GRIK2: variants seen among roughly 807,000 people sequenced by gnomAD.
GRIK2 encodes the protein glutamate ionotropic receptor kainate type subunit 2, also known as glutamate receptor ionotropic, kainate 2.
Under a neutral mutation model 100.3 loss-of-function variants are expected in GRIK2, and 32 were observed. The ratio of observed to expected loss-of-function variants is 0.32; its 90% CI spans 0.24 to 0.43. GRIK2 has a LOEUF of 0.43. Among genes scored for constraint, GRIK2 ranks in the 20% least tolerant of loss-of-function variants. The pLI is 1.00. For synonymous variants in GRIK2, 417 were observed against 389.4 expected (o/e 1.07, Z -0.83); for missense variants, 843 against 1,114.9 (o/e 0.76, Z 3.47).
chr6:101,564,798 A>T (rs1255018607), intron 2 of GRIK2, among the ~76,000 whole-genome samples: 3 of 152,074 alleles, frequency 2.0e-5, no homozygotes, highest in Admixed American at 2.0e-4. Flanking sequence ...GTGCAAAGTA[A>T]CATTTCCCAA....
intron 14 of GRIK2, among the ~76,000 whole-genome samples, chr6:101,982,627 A>C (rs1793780532): frequency 6.6e-6 from 1 of 151,274 alleles, no homozygotes; most frequent in Non-Finnish European, 1.5e-5. Context: ...CTGTTTCCTC[A>C]GAATTAGCTG....
At chr6:101,571,109 G>C (rs1201689485) in intron 2 of GRIK2, among the ~76,000 whole-genome samples, 1 of 151,368 alleles carries the variant, frequency 6.6e-6, no homozygotes, top group Middle Eastern at 3.2e-3. Context: ...TTAGAAAACT[G>C]TCATCTTAGA....
At chr6:101,704,405 G>C (rs1773113351) in intron 7 of GRIK2, among the ~76,000 whole-genome samples, 1 of 151,506 alleles carries the variant, frequency 6.6e-6, no homozygotes, top group African/African-American at 2.4e-5. Flanking sequence ...TGGGAGGATA[G>C]GGGATTTGTT....
chr6:101,562,230 C>A (rs1172537668), intron 2 of GRIK2, among the ~76,000 whole-genome samples: 2 of 151,534 alleles, frequency 1.3e-5, no homozygotes, highest in Non-Finnish European at 2.9e-5. Context: ...AAAAAAAAAA[C>A]TTTAGGGGAG....
intron 15 of GRIK2, among the ~76,000 whole-genome samples, chr6:102,053,986 A>G (rs893479644): frequency 6.6e-6 from 1 of 152,152 alleles, no homozygotes; most frequent in Non-Finnish European, 1.5e-5. Flanking sequence ...CAGGGGAGAA[A>G]CTGAGAAGCA....
chr6:102,006,873 AACAT>A (rs1435534231), intron 14 of GRIK2, among the ~76,000 whole-genome samples: 1 of 152,124 alleles, frequency 6.6e-6, no homozygotes, highest in Non-Finnish European at 1.5e-5. Context: ...ATGTTCGTGT[AACAT>A]ACATTTGACA....
intron 4 of GRIK2, among the ~76,000 whole-genome samples, chr6:101,636,367 A>G (rs939911144): frequency 6.6e-6 from 1 of 152,040 alleles, no homozygotes. Context: ...AGGGAGTAGG[A>G]GAGGGATAGC....
At chr6:101,671,741 G>A (rs1054522523) in intron 4 of GRIK2, among the ~76,000 whole-genome samples, 1 of 152,128 alleles carries the variant, frequency 6.6e-6, no homozygotes, top group Non-Finnish European at 1.5e-5. Flanking sequence ...GTGGGCACCT[G>A]TAATCCCAGC....
intron 1 of GRIK2, among the ~76,000 whole-genome samples, chr6:101,397,534 C>T (rs541212040): frequency 6.6e-6 from 1 of 152,242 alleles, no homozygotes; most frequent in African/African-American, 2.4e-5. Context: ...CAGTTATTGC[C>T]TCCATCTTAA....
chr6:101,590,380 A>G (rs377736136), intron 2 of GRIK2, among the ~76,000 whole-genome samples: 2 of 152,150 alleles, frequency 1.3e-5, no homozygotes, highest in South Asian at 4.2e-4. Context: ...AAGTTCTGGT[A>G]TGATTCCTTT....
At chr6:101,444,313 C>T (rs1024695046) in intron 2 of GRIK2, among the ~76,000 whole-genome samples, 2 of 151,670 alleles carry the variant, frequency 1.3e-5, no homozygotes, top group Non-Finnish European at 2.9e-5. Flanking sequence ...GGAAGTTGCT[C>T]TTGTATTTAT....
At chr6:101,548,761 C>G (rs935827976) in intron 2 of GRIK2, among the ~76,000 whole-genome samples, 1 of 152,130 alleles carries the variant, frequency 6.6e-6, no homozygotes, top group African/African-American at 2.4e-5. Flanking sequence ...CTGCCAGGAA[C>G]TAGTCAAAGC....
chr6:101,762,385 G>A (rs567511110), intron 7 of GRIK2, among the ~76,000 whole-genome samples: 2 of 151,734 alleles, frequency 1.3e-5, no homozygotes, highest in African/African-American at 2.4e-5. Context: ...GTCTTGCTAT[G>A]CTGCCCAAGT....
At chr6:101,477,692 G>A (rs774639235) in intron 2 of GRIK2, among the ~76,000 whole-genome samples, 3 of 151,900 alleles carry the variant, frequency 2.0e-5, no homozygotes, top group Non-Finnish European at 4.4e-5. Flanking sequence ...TTTAGCTGAA[G>A]CACAGGGATA....
At chr6:102,020,352 G>C (rs1364525826) in intron 14 of GRIK2, among the ~76,000 whole-genome samples, 1 of 151,884 alleles carries the variant, frequency 6.6e-6, no homozygotes, top group Admixed American at 6.6e-5. Context: ...GTAGGGAAGA[G>C]ATATTGGGAT....
At chr6:101,766,727 C>T (rs187605658) in intron 7 of GRIK2, among the ~76,000 whole-genome samples, 1 of 152,286 alleles carries the variant, frequency 6.6e-6, no homozygotes, top group Admixed American at 6.5e-5. Flanking sequence ...CAAATGAGCC[C>T]CATTCTTAGC....
intron 14 of GRIK2, among the ~76,000 whole-genome samples, chr6:101,931,390 T>G (rs533013043): frequency 9.9e-5 from 15 of 152,276 alleles, no homozygotes; most frequent in Non-Finnish European, 1.6e-4. Context: ...TTTTTACTAA[T>G]TTAGCAAGAC....
At chr6:101,700,029 A>G (rs995801654) in intron 7 of GRIK2, among the ~76,000 whole-genome samples, 1 of 152,004 alleles carries the variant, frequency 6.6e-6, no homozygotes, top group Non-Finnish European at 1.5e-5. Context: ...ACACGCATGT[A>G]GTCCCAGCTC....
chr6:101,950,513 G>A (rs993702659), intron 14 of GRIK2, among the ~76,000 whole-genome samples: 2 of 152,030 alleles, frequency 1.3e-5, no homozygotes, highest in African/African-American at 4.8e-5. Flanking sequence ...CTTACCCTCA[G>A]GACCTTAAAT....
Sources: allele counts gnomAD v4.1 joint callset (sites outside exome capture counted in the v4.1 genomes callset), GRCh38; gene constraint gnomAD v4.1.1; transcripts MANE v1.5; gene names NCBI Gene and HGNC (gene_info 2026-07-23, HGNC 2026-07-21).